The following UNKL variants were observed in gnomAD, a reference collection of about 807,000 sequenced individuals.
The protein encoded by UNKL is unk like zinc finger, also known as putative E3 ubiquitin-protein ligase UNKL.
UNKL carries 60 observed loss-of-function variants against 78.0 expected under a neutral mutation model. The observed-to-expected ratio is 0.77, with a 90% CI of 0.63 to 0.95. The LOEUF is 0.95. UNKL is among the 40% of genes least tolerant of loss of function. The pLI, the probability that UNKL is intolerant of heterozygous loss-of-function variation, is 0.00. For missense variants in UNKL, 1,159 were observed against 1,045.7 expected (o/e 1.11, Z -1.49); for synonymous variants, 608 against 474.8 (o/e 1.28, Z -3.65).
At chr16:1,402,838 A>C (rs2037588030) in intron 3 of UNKL, among the ~76,000 whole-genome samples, 2 of 148,292 alleles carry the variant, frequency 1.3e-5, no homozygotes, top group South Asian at 4.3e-4. Flanking sequence ...CAAAAAAAAA[A>C]AAAATTAGCT....
chr16:1,407,409 G>A (rs2037816587), intron 2 of UNKL: 1 of 151,998 alleles, frequency 6.6e-6, no homozygotes, highest in Admixed American at 6.6e-5. Flanking sequence ...GCCAAACAGA[G>A]CTCTGGAAAG....
At chr16:1,396,594 C>G (rs533760306) in intron 6 of UNKL, among the ~76,000 whole-genome samples, 83 of 151,724 alleles carry the variant, frequency 5.5e-4, no homozygotes, top group African/African-American at 2.0e-3. Context: ...ATATTTTTTT[C>G]TTTTTCTTTT....
intron 2 of UNKL, 64 bp downstream of exon 2, chr16:1,413,782 C>G: frequency 6.9e-7 from 1 of 1,458,002 alleles, no homozygotes; most frequent in Non-Finnish European, 9.1e-7. Flanking sequence ...GGGTCCCGGC[C>G]GCATCCCCGG....
At chr16:1,367,045 G>A in intron 14 of UNKL, 47 bp downstream of exon 14, 1 of 1,475,280 alleles carries the variant, frequency 6.8e-7, no homozygotes, top group South Asian at 1.4e-5. Flanking sequence ...AGGGACAGCA[G>A]CCCTGCAGGC....
intron 14 of UNKL, 83 bp downstream of exon 14, chr16:1,366,986 GGGGCAGGGGAGGAAGGGGACACC>G: frequency 7.0e-7 from 1 of 1,434,316 alleles, no homozygotes; most frequent in Non-Finnish European, 9.1e-7. Context: ...AGCAGACCCT[GGGGCAGGGGAGGAAGGGGACACC>G]GCACCAGCCA....
In UNKL at chr16:1,387,109, A is replaced by AATGCAGCACCGGGGACCCTCCCAGCC. The variant is rs1567220326; in HGVS notation, c.1087-1750_1087-1725dup. ...ATGCAGCACCGGGGACCCTCCCAGC[A>AATGCAGCACCGGGGACCCTCCCAGCC]ATGCAGCACCGGGGACCCTCCCAGC... On this transcript the variant is annotated intron_variant, in intron 9 of 14. Transcript: ENST00000389221. This position sits in a 1 kb window ranked among gnomAD's most constrained non-coding sequence, Gnocchi z 4.1. Among the ~76,000 whole-genome samples, 3 of 133,176 alleles carry AATGCAGCACCGGGGACCCTCCCAGCC rather than the reference A, an allele frequency of 2.3e-5. No individual in the cohort carries two copies. The highest frequency in any genetic ancestry group is 3.3e-5 in the Non-Finnish European group (2 of 60,982). The allele number at this position is 133,176 out of a possible 152,430, so 87.4% of individuals were successfully genotyped here.
intron 2 of UNKL, among the ~76,000 whole-genome samples, chr16:1,411,011 C>G (rs527771933): frequency 1.3e-5 from 2 of 151,904 alleles, no homozygotes; most frequent in Non-Finnish European, 2.9e-5. Flanking sequence ...GTGGGAAGAT[C>G]GCTTGAGGCC....
intron 2 of UNKL, among the ~76,000 whole-genome samples, chr16:1,410,791 T>C (rs753445958): frequency 6.6e-6 from 1 of 152,204 alleles, no homozygotes; most frequent in African/African-American, 2.4e-5. Context: ...ACTAGACAAA[T>C]ACCTGCCTTT....
rs141777582 is a variant in UNKL at position 1,399,389 on chromosome 16, C to T, written c.719G>A (p.Arg240Gln). Reference protein sequence around the residue: ...HNSRDRRRNPRRFQYRSTPCP... With the variant: ...HNSRDRRRNPQRFQYRSTPCP... Reference sequence around the variant, plus strand: ...GCAGGCTCACCTGTACTGGAACCGCCGGGGGTTGCGCCGCCTGTCCCGGCT... The same window carrying T: ...GCAGGCTCACCTGTACTGGAACCGCTGGGGGTTGCGCCGCCTGTCCCGGCT... The change falls in exon 5 of 15, where the codon CGG becomes CAG. Residue 240 changes from arginine (R) to glutamine (Q), a missense_variant. Physicochemically the swap from Arg to Gln is conservative, Grantham distance 43. Coordinates refer to ENST00000389221, the MANE Select transcript of UNKL (RefSeq NM_001372107.1). The surrounding 1 kb of genome is among the most constrained non-coding windows in gnomAD (Gnocchi z 5.8). 2.8e-3 allele frequency: 4,420 copies of T among 1,599,648 alleles called. 40 individuals carry two copies. Among genetic ancestry groups the T allele is most frequent in the South Asian group, 0.018 (1,592 of 89,962 alleles).
Position 1,413,926 on chromosome 16 carries a change from G to T in UNKL, c.207C>A (p.Arg69=). Residue 69 remains arginine (R), a synonymous_variant, in exon 2 of 15, where the codon CGC becomes CGA. Transcript: ENST00000389221. ...CGGGGCTGTAGTTGAAGGTGCCGTC[G>T]CGCCTGCGGAGGGGCCTGCGGCGCC... ...NQRRRRPLRR[R]DGTFNYSPDV... 1 of 1,557,872 alleles carries T rather than the reference G, an allele frequency of 6.4e-7. No homozygotes were observed. Among genetic ancestry groups the T allele is most frequent in the Non-Finnish European group, 8.7e-7 (1 of 1,150,942 alleles).
At chr16:1,400,051 G>T (rs2037449044) in intron 4 of UNKL, among the ~76,000 whole-genome samples, 1 of 152,116 alleles carries the variant, frequency 6.6e-6, no homozygotes, top group Non-Finnish European at 1.5e-5. Flanking sequence ...GGCAGGGGGT[G>T]TTTGGGAAAT....
At chr16:1,375,006 G>A (rs1023494255) in intron 10 of UNKL, among the ~76,000 whole-genome samples, 57 of 152,324 alleles carry the variant, frequency 3.7e-4, no homozygotes, top group African/African-American at 1.2e-3. Context: ...CTCTGCCCAG[G>A]CCTCCGCTTC....
chr16:1,393,326 TTCC>T (rs200179776), intron 7 of UNKL, among the ~76,000 whole-genome samples: 2,160 of 151,796 alleles, frequency 0.014, 21 homozygotes, highest in Non-Finnish European at 0.021. Context: ...GCCGTGTGGG[TTCC>T]CACTGAACCC....
intron 2 of UNKL, chr16:1,411,966 C>T (rs1428209602): frequency 6.6e-6 from 1 of 152,208 alleles, no homozygotes; most frequent in Non-Finnish European, 1.5e-5. Flanking sequence ...AAACAGACTT[C>T]ACAAGGATCT....
intron 2 of UNKL, among the ~76,000 whole-genome samples, chr16:1,410,773 A>G (rs915459733): frequency 6.6e-6 from 1 of 152,242 alleles, no homozygotes; most frequent in African/African-American, 2.4e-5. Context: ...GGCTGAGCCC[A>G]GACATCAACT....
At chr16:1,410,590 T>C (rs573995992) in intron 2 of UNKL, among the ~76,000 whole-genome samples, 23 of 152,020 alleles carry the variant, frequency 1.5e-4, no homozygotes, top group Admixed American at 4.6e-4. Flanking sequence ...CTGGGTGACA[T>C]AGAGTGCTGC....
chr16:1,398,681 A>AGGGCCCCCCC, intron 5 of UNKL: 1 of 694,504 alleles, frequency 1.4e-6, no homozygotes, highest in Non-Finnish European at 1.9e-6. Flanking sequence ...TGGGGTCTGC[A>AGGGCCCCCCC]CCCCCCCACC....
chr16:1,372,911 C>T (rs367957778), intron 10 of UNKL, among the ~76,000 whole-genome samples: 512 of 82,766 alleles, frequency 6.2e-3, no homozygotes, highest in Middle Eastern at 9.9e-3. Flanking sequence ...CGGCCAACAC[C>T]GCACAGAGAC....
Position 1,366,214 on chromosome 16 carries a change from GC to G in UNKL, c.*25del. ...AGGAGCGCTGGAGCCAGGGTGCCCA[GC>G]AGGAGGTGGCTGTCCCCGCTGAGGT... On this transcript the variant is annotated 3_prime_UTR_variant, in exon 15 of 15. Coordinates refer to ENST00000389221, the MANE Select transcript of UNKL (RefSeq NM_001372107.1). 6.7e-7 allele frequency: 1 copy of G among 1,493,110 alleles called. No homozygotes were observed. Among genetic ancestry groups the G allele is most frequent in the Non-Finnish European group, 9.0e-7 (1 of 1,112,858 alleles). 92.5% of individuals were successfully genotyped at this position (1,493,110 alleles called of 1,614,324 possible).
Sources: gnomAD v4.1 joint callset for allele counts (sites outside exome capture counted in the v4.1 genomes callset) on GRCh38, gnomAD v4.1.1 for gene constraint, Gnocchi (gnomAD v3.1) non-coding constraint, MANE v1.5 for transcripts, NCBI Gene and HGNC (gene_info 2026-07-23, HGNC 2026-07-21) for gene names.